Variants in ANGPT2 observed in about 807,000 individuals in gnomAD.
The protein encoded by ANGPT2 is angiopoietin-2.
Under a neutral mutation model 62.9 loss-of-function variants are expected in ANGPT2, and 28 were observed. That is an observed-to-expected ratio of 0.44 (90% confidence interval 0.33 to 0.61). The LOEUF (loss-of-function observed/expected upper bound fraction) is 0.61, where lower values mean the gene tolerates loss of function less well. ANGPT2 is among the 20% of genes least tolerant of loss of function. The pLI is 0.03. For missense variants in ANGPT2, 727 were observed against 594.9 expected (o/e 1.22, Z -2.31); for synonymous variants, 284 against 207.8 (o/e 1.37, Z -3.15).
intron 8 of ANGPT2, among the ~76,000 whole-genome samples, chr8:6,505,900 TAC>T (rs552452628): frequency 3.3e-5 from 3 of 89,954 alleles, no homozygotes; most frequent in Non-Finnish European, 6.1e-5. Context: ...TATAAAAACA[TAC>T]ATATTCTTTA....
chr8:6,555,706 A>C (rs1180356663), intron 1 of ANGPT2, among the ~76,000 whole-genome samples: 5 of 151,716 alleles, frequency 3.3e-5, no homozygotes, highest in Admixed American at 2.0e-4. Context: ...CAAGCGACCC[A>C]CCCGCTTCGG....
At chr8:6,511,379 T>G (rs1586244570) in intron 7 of ANGPT2, among the ~76,000 whole-genome samples, 2 of 152,310 alleles carry the variant, frequency 1.3e-5, no homozygotes, top group East Asian at 3.9e-4. Flanking sequence ...CAATTAAACC[T>G]CAGTGTTATA....
chr8:6,504,222 G>A (rs1204621947), intron 8 of ANGPT2, among the ~76,000 whole-genome samples: 3 of 149,140 alleles, frequency 2.0e-5, no homozygotes, highest in Non-Finnish European at 4.4e-5. Flanking sequence ...GGAGGCTGAG[G>A]CAGGAGAATG....
intron 1 of ANGPT2, among the ~76,000 whole-genome samples, chr8:6,557,126 C>T (rs1563122973): frequency 6.6e-6 from 1 of 152,200 alleles, no homozygotes; most frequent in Non-Finnish European, 1.5e-5. Context: ...TCACACTCCT[C>T]TCAGCAGTTT....
intron 3 of ANGPT2, among the ~76,000 whole-genome samples, chr8:6,525,542 A>G (rs1586364087): frequency 6.6e-6 from 1 of 152,350 alleles, no homozygotes; most frequent in South Asian, 2.1e-4. Flanking sequence ...AATCTATTCT[A>G]TAAAGAAAGC....
At chr8:6,561,310 T>C (rs1264415304) in intron 1 of ANGPT2, among the ~76,000 whole-genome samples, 1 of 152,218 alleles carries the variant, frequency 6.6e-6, no homozygotes, top group Non-Finnish European at 1.5e-5. Context: ...GTCATTTTGG[T>C]AAGTTTTTGT....
At chr8:6,506,976 CAA>C (rs1813859317) in intron 8 of ANGPT2, among the ~76,000 whole-genome samples, 1 of 151,950 alleles carries the variant, frequency 6.6e-6, no homozygotes, top group African/African-American at 2.4e-5. Flanking sequence ...CGGCTCATTG[CAA>C]ACTCTGTCTC....
chr8:6,502,178 T>C lies in ANGPT2; in HGVS notation c.*923A>G, dbSNP rs892512447. On this transcript the variant is annotated 3_prime_UTR_variant, in exon 9 of 9. Transcript: ENST00000629816. ...AAAGTTTCTTTGTCATAGAATGAAA[T>C]GTATAATTTTCCTCATCATTAAAAG... 3.9e-5 allele frequency: 6 copies of C among 152,266 alleles called. No individual in the cohort carries two copies. The highest frequency in any genetic ancestry group is 1.3e-4 in the Admixed American group (2 of 15,288). The allele number at this position is 152,266 out of a possible 1,614,324, so 9.4% of individuals were successfully genotyped here.
At chr8:6,511,070 C>G (rs987842608) in intron 7 of ANGPT2, among the ~76,000 whole-genome samples, 5 of 152,198 alleles carry the variant, frequency 3.3e-5, no homozygotes, top group African/African-American at 1.2e-4. Context: ...TTAACTCTCT[C>G]TTGTCTCCTT....
Position 6,527,606 on chromosome 8 carries a change from T to G in ANGPT2, c.515A>C (p.Lys172Thr), listed in dbSNP as rs375766972. 2 of 1,613,970 alleles carry G rather than the reference T, an allele frequency of 1.2e-6. No individual in the cohort carries two copies. The highest frequency in any genetic ancestry group is 2.7e-5 in the African/African-American group (2 of 74,954). The part of the protein sequence containing the change: ...EHSLSTNKLE[K>T]QILDQTSEIN... ...TTCACTGGTCTGGTCCAAAATCTGT[T>G]TTTCCAATTTGTTTGTCGAGAGGGA... Residue 172 changes from lysine to threonine, a missense_variant, in exon 3 of 9, where the codon AAA becomes ACA. By Grantham distance (78) the Lys-to-Thr change is moderately conservative. Transcript: ENST00000629816.
At chr8:6,525,726 A>C (rs1362112817) in intron 3 of ANGPT2, among the ~76,000 whole-genome samples, 1 of 151,858 alleles carries the variant, frequency 6.6e-6, no homozygotes, top group Non-Finnish European at 1.5e-5. Flanking sequence ...CATCAACACT[A>C]TTTTCTTTTT....
At position 6,501,217 on chromosome 8, in the gene ANGPT2, G is replaced by C. The variant is rs1457303073; in HGVS notation, c.*1884C>G. On this transcript the variant is annotated 3_prime_UTR_variant, in exon 9 of 9. Transcript: ENST00000629816. ...GTCCATCATTGACTCCAAATATGTA[G>C]CAACACCTGTGTGTTCTAAAACTAC... is the stretch of plus-strand genomic sequence containing the variant. 6.6e-6 allele frequency: 1 copy of C among 152,138 alleles called. No homozygotes were observed. Among genetic ancestry groups the C allele is most frequent in the Non-Finnish European group, 1.5e-5 (1 of 68,026 alleles). 9.4% of individuals were successfully genotyped at this position (152,138 alleles called of 1,614,324 possible). A position where few individuals can be genotyped will look rare whatever the true frequency, so the allele number is the denominator to read the frequency against.
intron 1 of ANGPT2, among the ~76,000 whole-genome samples, chr8:6,544,494 G>GT (rs1192551883): frequency 1.3e-5 from 2 of 152,078 alleles, no homozygotes; most frequent in East Asian, 1.9e-4. Flanking sequence ...ACGTCAAACT[G>GT]TTTTTTACAA....
At chr8:6,514,855 A>G (rs764745677) in intron 5 of ANGPT2, 77 bp from the exon 6 acceptor site, 43 of 1,278,722 alleles carry the variant, frequency 3.4e-5, no homozygotes, top group Non-Finnish European at 4.5e-5. Flanking sequence ...GGAGGAATGT[A>G]GACCCTGAGT....
intron 1 of ANGPT2, among the ~76,000 whole-genome samples, chr8:6,536,012 G>A (rs771475594): frequency 6.6e-6 from 1 of 152,080 alleles, no homozygotes; most frequent in Non-Finnish European, 1.5e-5. Context: ...AGCCATGATC[G>A]TGCCACTGCA....
intron 8 of ANGPT2, among the ~76,000 whole-genome samples, chr8:6,506,925 C>G (rs1304936295): frequency 6.6e-6 from 1 of 151,344 alleles, no homozygotes; most frequent in East Asian, 1.9e-4. Flanking sequence ...GAGACGGAGT[C>G]TCACTCTTGT....
chr8:6,527,559 T>G lies in ANGPT2; in HGVS notation c.562A>C (p.Asn188His), dbSNP rs1450834399. ...ATGTTTTAGTACTGTTATTACCTGT[T>G]CTTATCTTGCAATTTGTTTATTTCA... ...TSEINKLQDK[N>H]SFLEKKVLAM... is the part of the protein sequence containing the mutation. Residue 188 changes from asparagine to histidine, a missense_variant, in exon 3 of 9, where the codon AAC becomes CAC. By Grantham distance (68) the Asn-to-His change is moderately conservative (BLOSUM62 1). Coordinates refer to ENST00000629816, the MANE Select transcript of ANGPT2 (RefSeq NM_001118887.2). 1 of 1,613,618 alleles carries G rather than the reference T, an allele frequency of 6.2e-7. No individual in the cohort carries two copies. The highest frequency in any genetic ancestry group is 8.5e-7 in the Non-Finnish European group (1 of 1,179,886).
chr8:6,502,442 T>G lies in ANGPT2; in HGVS notation c.*659A>C, dbSNP rs557539275. 3 of 152,330 alleles carry G rather than the reference T, an allele frequency of 2.0e-5. No individual in the cohort carries two copies. In the East Asian group the frequency reaches 5.8e-4, roughly 29 times the overall value. 9.4% of individuals were successfully genotyped at this position (152,330 alleles called of 1,614,324 possible). On this transcript the variant is annotated 3_prime_UTR_variant, in exon 9 of 9. Coordinates refer to ENST00000629816, the MANE Select transcript of ANGPT2 (RefSeq NM_001118887.2). Reference sequence around the variant, plus strand: ...TCTGGAAGTTTCTACCATATAAATTTGAAATACGTATTTGAGCATTAACTT... The same window carrying G: ...TCTGGAAGTTTCTACCATATAAATTGGAAATACGTATTTGAGCATTAACTT...
At chr8:6,505,801 TGC>T (rs1364810171) in intron 8 of ANGPT2, among the ~76,000 whole-genome samples, 1 of 90,912 alleles carries the variant, frequency 1.1e-5, no homozygotes, top group Non-Finnish European at 2.9e-5. Context: ...TATAAAAACA[TGC>T]ATATTCTTTA....
Sources: gnomAD v4.1 joint callset for allele counts (sites outside exome capture counted in the v4.1 genomes callset) on GRCh38, gnomAD v4.1.1 for gene constraint, MANE v1.5 for transcripts, NCBI Gene and HGNC (gene_info 2026-07-23, HGNC 2026-07-21) for gene names.